The following ASPSCR1 variants were observed in gnomAD, a reference collection of about 807,000 sequenced individuals.
ASPSCR1 encodes the protein ASPSCR1 tether for SLC2A4, UBX domain containing, also known as tether containing UBX domain for GLUT4.
Under a neutral mutation model 68.9 loss-of-function variants are expected in ASPSCR1, and 55 were observed. The ratio of observed to expected loss-of-function variants is 0.80; its 90% CI spans 0.64 to 1.00. The LOEUF is 1.00. ASPSCR1 is among the 50% of genes least tolerant of loss of function. ASPSCR1 has a pLI of 0.00. For missense variants in ASPSCR1, 765 were observed against 762.2 expected (o/e 1.00, Z -0.04); for synonymous variants, 352 against 332.6 (o/e 1.06, Z -0.63).
intron 2 of ASPSCR1, among the ~76,000 whole-genome samples, chr17:81,981,509 G>A (rs941952923): frequency 5.3e-5 from 8 of 152,204 alleles, no homozygotes; most frequent in Admixed American, 2.6e-4. Flanking sequence ...CTCCCGAGTA[G>A]CTGGGATTAC....
At chr17:81,995,865 G>A (rs2042317988) in intron 5 of ASPSCR1, 127 bp from the exon 6 acceptor site, 2 of 862,994 alleles carry the variant, frequency 2.3e-6, no homozygotes, top group Non-Finnish European at 3.7e-6. Context: ...AGATGTGGGG[G>A]GTGGGTAGGA....
At chr17:82,002,218 A>G (rs2042561558) in intron 7 of ASPSCR1, among the ~76,000 whole-genome samples, 1 of 146,532 alleles carries the variant, frequency 6.8e-6, no homozygotes, top group Non-Finnish European at 1.5e-5. Context: ...TCTTATGAGT[A>G]CCTCATGCTT....
Position 81,988,062 on chromosome 17 carries a change from G to A in ASPSCR1, c.374+2455G>A, listed in dbSNP as rs543389844. Among the ~76,000 whole-genome samples the A allele has an allele frequency of 1.8e-3, 271 of 150,940 alleles. 2 individuals carry two copies. Among genetic ancestry groups the A allele is most frequent in the African/African-American group, 6.2e-3 (253 of 41,000 alleles). ...AGTCCCAGCTACTCAGGAGGCTGAG[G>A]CAGAAGAATTGCTTGAACCCAGGAG... On this transcript the variant is annotated intron_variant, in intron 4 of 15. Coordinates refer to ENST00000306739, the MANE Select transcript of ASPSCR1 (RefSeq NM_024083.4).
intron 4 of ASPSCR1, among the ~76,000 whole-genome samples, chr17:81,989,757 A>T (rs2042102420): frequency 6.6e-6 from 1 of 152,324 alleles, no homozygotes; most frequent in South Asian, 2.1e-4. Context: ...CGTCTCAAGC[A>T]GCAGGGGCCT....
At chr17:81,981,993 G>A (rs943840403) in intron 2 of ASPSCR1, among the ~76,000 whole-genome samples, 1 of 151,310 alleles carries the variant, frequency 6.6e-6, no homozygotes, top group African/African-American at 2.4e-5. Context: ...TTTTGAGACG[G>A]AGTCTCGCTC....
chr17:82,016,415 C>A, intron 12 of ASPSCR1, 61 bp from the exon 13 acceptor site: 1 of 1,474,434 alleles, frequency 6.8e-7, no homozygotes, highest in Non-Finnish European at 9.2e-7. Context: ...GTGTAGCTGC[C>A]TTCACAGCAG....
intron 7 of ASPSCR1, among the ~76,000 whole-genome samples, chr17:81,998,123 A>G (rs940185331): frequency 2.0e-5 from 3 of 152,182 alleles, no homozygotes; most frequent in African/African-American, 4.8e-5. Context: ...CACCGCGCCC[A>G]GCCTAATTTA....
intron 7 of ASPSCR1, chr17:82,007,420 C>T (rs1292738243): frequency 1.3e-5 from 2 of 152,272 alleles, no homozygotes; most frequent in African/African-American, 2.4e-5. Context: ...TGGTCCTGTC[C>T]CCTATGGCCC....
intron 4 of ASPSCR1, among the ~76,000 whole-genome samples, chr17:81,994,260 T>C (rs1567968346): frequency 6.6e-6 from 1 of 152,234 alleles, no homozygotes. Context: ...CATGGACTTA[T>C]AAGCACGGCC....
chr17:82,011,791 C>T (rs1289977894), intron 11 of ASPSCR1, among the ~76,000 whole-genome samples, 186 bp downstream of exon 11: 2 of 152,206 alleles, frequency 1.3e-5, no homozygotes, highest in East Asian at 1.9e-4. Context: ...CCCTTCTCCC[C>T]GAGCCAGGCG....
chr17:81,979,340 ACAGT>A, intron 2 of ASPSCR1, 101 bp downstream of exon 2: 1 of 1,327,324 alleles, frequency 7.5e-7, no homozygotes, highest in Non-Finnish European at 1.1e-6. Context: ...GTGGTTTTAA[ACAGT>A]CATATATTCC....
At position 82,011,934 on chromosome 17, in the gene ASPSCR1, A is replaced by G. The variant is rs2042961819; in HGVS notation, c.1301-297A>G. 5.0e-6 allele frequency: 3 copies of G among 603,832 alleles called. 1 individual carries two copies. The highest frequency in any genetic ancestry group is 8.8e-4 in the Middle Eastern group (2 of 2,266). The allele number at this position is 603,832 out of a possible 1,614,324, so 37.4% of individuals were successfully genotyped here. On this transcript the variant is annotated intron_variant, in intron 11 of 15. Coordinates refer to ENST00000306739, the MANE Select transcript of ASPSCR1 (RefSeq NM_024083.4). ...AGGGCTGTGGGAAGGGTGGGTGGACAGGGAGTGGCTGGCCTCCCTTGGAGG... is the reference window on the plus strand; with the variant it reads ...AGGGCTGTGGGAAGGGTGGGTGGACGGGGAGTGGCTGGCCTCCCTTGGAGG...
At chr17:82,009,342 C>G in intron 8 of ASPSCR1, 144 bp from the exon 9 acceptor site, 1 of 1,373,376 alleles carries the variant, frequency 7.3e-7, no homozygotes, top group African/African-American at 1.5e-5. Flanking sequence ...GGTTGGGGCC[C>G]AGGGAGGGGC....
intron 4 of ASPSCR1, among the ~76,000 whole-genome samples, chr17:81,988,017 G>C (rs1228467073): frequency 6.6e-6 from 1 of 151,412 alleles, no homozygotes; most frequent in East Asian, 1.9e-4. Context: ...AATTAGCCGG[G>C]CGTGGTGGTG....
chr17:82,008,903 C>A, intron 7 of ASPSCR1, 134 bp from the exon 8 acceptor site: 1 of 1,273,326 alleles, frequency 7.9e-7, no homozygotes, highest in Non-Finnish European at 1.0e-6. Context: ...CTTGGCCCTG[C>A]GCTGGCCGGG....
chr17:81,991,388 G>A (rs1475799883), intron 4 of ASPSCR1, among the ~76,000 whole-genome samples: 8 of 152,198 alleles, frequency 5.3e-5, no homozygotes, highest in Middle Eastern at 3.2e-3. Flanking sequence ...CCGTGGCTCC[G>A]GGAAAGCTGG....
chr17:81,986,495 G>A lies in ASPSCR1; in HGVS notation c.374+888G>A, dbSNP rs1341373822. On this transcript the variant is annotated intron_variant, in intron 4 of 15. Transcript: ENST00000306739. This position sits in a 1 kb window ranked among gnomAD's most constrained non-coding sequence, Gnocchi z 5.2. The stretch of plus-strand genomic sequence containing the variant: ...GTTTCTGTCGGTTAATGGTTTAAAC[G>A]TTGTTCCTGAATGTGTAAAAATTGG... 6.6e-6 allele frequency among the ~76,000 whole-genome samples: 1 copy of A among 152,208 alleles called. No individual in the cohort carries two copies. The highest frequency in any genetic ancestry group is 1.5e-5 in the Non-Finnish European group (1 of 68,032).
In ASPSCR1 at chr17:81,996,464, G is replaced by T; in HGVS notation, c.551G>T (p.Ser184Ile). 2 of 1,608,946 alleles carry T rather than the reference G, an allele frequency of 1.2e-6. No homozygotes were observed. The highest frequency in any genetic ancestry group is 8.5e-7 in the Non-Finnish European group (1 of 1,177,208). ...GACCCCGTGGGCAAGACCCCAGGAA[G>T]CCTGGGCTCGTCAGCGTCGGCTGGC... ...CYDPVGKTPGSLGSSASAGQA... is the reference protein window; with the variant it reads ...CYDPVGKTPGILGSSASAGQA... Residue 184 changes from serine to isoleucine, a missense_variant, in exon 7 of 16, where the codon AGC becomes ATC. Physicochemically the swap from Ser to Ile is moderately radical, Grantham distance 142 (BLOSUM62 -2). Coordinates refer to ENST00000306739, the MANE Select transcript of ASPSCR1 (RefSeq NM_024083.4).
At chr17:82,010,539 A>C (rs2042900024) in intron 9 of ASPSCR1, among the ~76,000 whole-genome samples, 3 of 150,544 alleles carry the variant, frequency 2.0e-5, no homozygotes, top group Admixed American at 6.6e-5. Context: ...AAAAAAAAAA[A>C]AAAAAAAAAA....
Sources: gnomAD v4.1 joint callset for allele counts (sites outside exome capture counted in the v4.1 genomes callset) on GRCh38, gnomAD v4.1.1 for gene constraint, Gnocchi (gnomAD v3.1) non-coding constraint, MANE v1.5 for transcripts, NCBI Gene and HGNC (gene_info 2026-07-23, HGNC 2026-07-21) for gene names.